The following LGSN variants were observed in gnomAD, a reference collection of about 807,000 sequenced individuals.
LGSN encodes the protein lengsin, lens protein with glutamine synthetase domain.
In LGSN, 21 loss-of-function variants were observed where a neutral mutation model predicts 19.5. The ratio of observed to expected loss-of-function variants is 1.07; its 90% CI spans 0.76 to 1.55. The LOEUF (loss-of-function observed/expected upper bound fraction) is 1.55. Among genes scored for constraint, LGSN ranks in the 40% most tolerant of loss-of-function variants. LGSN has a pLI of 0.00. For synonymous variants in LGSN, 257 were observed against 215.6 expected (o/e 1.19, Z -1.68); for missense variants, 673 against 608.5 (o/e 1.11, Z -1.12).
At chr6:63,416,586 T>G in the LGSN span, among the ~76,000 whole-genome samples, 2 of 151,838 alleles carry the variant, frequency 1.3e-5, no homozygotes, top group African/African-American at 4.8e-5. Context: ...GTTGTTTTTG[T>G]TTTTTTTGAG....
chr6:63,449,902 C>G, the LGSN span, among the ~76,000 whole-genome samples: 2 of 152,066 alleles, frequency 1.3e-5, no homozygotes, highest in Non-Finnish European at 2.9e-5. Flanking sequence ...ATAACATAAA[C>G]ACAATTATTT....
At chr6:63,426,096 A>G in the LGSN span, among the ~76,000 whole-genome samples, 3 of 152,170 alleles carry the variant, frequency 2.0e-5, no homozygotes, top group African/African-American at 7.2e-5. Flanking sequence ...GAAACTTGAC[A>G]TGATAAGAAA....
the LGSN span, among the ~76,000 whole-genome samples, chr6:63,543,956 T>G: frequency 1.3e-5 from 2 of 152,246 alleles, no homozygotes; most frequent in Non-Finnish European, 2.9e-5. Flanking sequence ...TTTTTACAGA[T>G]ATAAAGAAAT....
Position 63,280,423 on chromosome 6 carries a change from C to T in LGSN, c.1128G>A (p.Leu376=). 1 of 1,614,204 alleles carries T rather than the reference C, an allele frequency of 6.2e-7. No individual in the cohort carries two copies. Among genetic ancestry groups the T allele is most frequent in the South Asian group, 1.1e-5 (1 of 91,090 alleles). The part of the protein sequence containing the change: ...RKRYSKDRKD[L]KKSVPTTWGY... The stretch of plus-strand genomic sequence containing the variant: ...CCCATGTTGTAGGCACACTCTTCTT[C>T]AGGTCTTTCCTGTCCTTGGAATAAC... Residue 376 remains leucine, a synonymous_variant, in exon 4 of 4, where the codon CTG becomes CTA. Transcript: ENST00000370657.
the LGSN span, among the ~76,000 whole-genome samples, chr6:63,414,023 G>A: frequency 6.6e-6 from 1 of 152,048 alleles, no homozygotes; most frequent in Non-Finnish European, 1.5e-5. Context: ...ATTAATAGGG[G>A]GCCAGTCGAG....
At chr6:63,335,804 C>A in the LGSN span, among the ~76,000 whole-genome samples, 448 of 152,242 alleles carry the variant, frequency 2.9e-3, 3 homozygotes, top group African/African-American at 0.01. Context: ...ACAATTCAGC[C>A]ATCCCACTAT....
upstream of LGSN, among the ~76,000 whole-genome samples, chr6:63,324,233 T>C (rs1769174384): frequency 6.6e-6 from 1 of 152,210 alleles, no homozygotes; most frequent in South Asian, 2.1e-4. Flanking sequence ...TCCCTAGGGG[T>C]CCCTGAACCA....
At chr6:63,298,503 C>A (rs1443578141) in intron 1 of LGSN, among the ~76,000 whole-genome samples, 1 of 152,104 alleles carries the variant, frequency 6.6e-6, no homozygotes, top group Non-Finnish European at 1.5e-5. Flanking sequence ...TGTGTTCTAT[C>A]CCTTTTGTTT....
At chr6:63,532,577 A>G in the LGSN span, among the ~76,000 whole-genome samples, 1 of 152,188 alleles carries the variant, frequency 6.6e-6, no homozygotes, top group Non-Finnish European at 1.5e-5. Flanking sequence ...CACAAAAAAA[A>G]AATCTCCCCA....
chr6:63,282,022 T>C (rs145833320), intron 3 of LGSN, among the ~76,000 whole-genome samples: 85 of 152,326 alleles, frequency 5.6e-4, no homozygotes, highest in African/African-American at 2.0e-3. Flanking sequence ...GCCCTCAGCT[T>C]CCACATCAGT....
the LGSN span, among the ~76,000 whole-genome samples, chr6:63,432,179 G>GAAAGAAAGAAAGAGAGGGAAAGAAAGA: frequency 2.6e-5 from 3 of 113,560 alleles, 1 homozygote; most frequent in African/African-American, 1.0e-4. Flanking sequence ...GAAAAGGAAA[G>GAAAGAAAGAAAGAGAGGGAAAGAAAGA]AAAGAAAAGA....
chr6:63,569,950 A>C, the LGSN span, among the ~76,000 whole-genome samples: 1 of 152,198 alleles, frequency 6.6e-6, no homozygotes, highest in South Asian at 2.1e-4. Flanking sequence ...GTTCTCCAAG[A>C]ATCTGCAGCT....
the LGSN span, among the ~76,000 whole-genome samples, chr6:63,499,351 C>G: frequency 6.6e-6 from 1 of 152,110 alleles, no homozygotes; most frequent in South Asian, 2.1e-4. Flanking sequence ...GCTAGTTCTA[C>G]TAGTGAGCAG....
chr6:63,545,471 C>T, the LGSN span, among the ~76,000 whole-genome samples: 30 of 151,846 alleles, frequency 2.0e-4, no homozygotes, highest in South Asian at 2.7e-3. Context: ...ATTAGCTGGG[C>T]GTGGTGGCAC....
the LGSN span, among the ~76,000 whole-genome samples, chr6:63,543,188 C>G: frequency 6.6e-6 from 1 of 152,196 alleles, no homozygotes; most frequent in South Asian, 2.1e-4. Flanking sequence ...TCTCATGTCT[C>G]AGTTTGCCAG....
the LGSN span, among the ~76,000 whole-genome samples, chr6:63,400,868 C>T: frequency 6.6e-6 from 1 of 151,948 alleles, no homozygotes; most frequent in Non-Finnish European, 1.5e-5. Context: ...GTGGTGGGCG[C>T]CTGTAATCCC....
chr6:63,281,303 A>AT (rs1439243113), intron 3 of LGSN, 83 bp from the exon 4 acceptor site: 13 of 197,656 alleles, frequency 6.6e-5, no homozygotes, highest in South Asian at 4.0e-4. Flanking sequence ...TTGCTAATGA[A>AT]AATATATATA....
chr6:63,410,322 T>C, the LGSN span, among the ~76,000 whole-genome samples: 1 of 152,134 alleles, frequency 6.6e-6, no homozygotes, highest in African/African-American at 2.4e-5. Flanking sequence ...TGTTTTGACT[T>C]TTTGTAGACA....
At chr6:63,289,067 C>G (rs536677160) in intron 2 of LGSN, among the ~76,000 whole-genome samples, 1 of 152,314 alleles carries the variant, frequency 6.6e-6, no homozygotes, top group African/African-American at 2.4e-5. Flanking sequence ...TCTCCATTGC[C>G]TATCAGCTCC....
Sources: allele counts gnomAD v4.1 joint callset (sites outside exome capture counted in the v4.1 genomes callset), GRCh38; gene constraint gnomAD v4.1.1; transcripts MANE v1.5; gene names NCBI Gene and HGNC (gene_info 2026-07-23, HGNC 2026-07-21).